PHACTR2: variants seen among roughly 807,000 people sequenced by gnomAD.
PHACTR2 encodes the protein chromosome 6 open reading frame 56.
PHACTR2 carries 30 observed loss-of-function variants against 76.0 expected under a neutral mutation model. The observed-to-expected ratio is 0.39, with a 90% CI of 0.30 to 0.54. The LOEUF is 0.54. Among genes scored for constraint, PHACTR2 ranks in the 20% least tolerant of loss-of-function variants. PHACTR2 has a pLI of 0.61. For missense variants in PHACTR2, 696 were observed against 781.1 expected, an observed-to-expected ratio of 0.89 and a Z score of 1.30; for synonymous variants, 292 against 292.5, an observed-to-expected ratio of 1.00 and a Z score of 0.02.
rs1343904011 is a variant in PHACTR2, at chr6:143,740,510, A to T, written c.215-8475A>T. 4.2e-4 allele frequency among the ~76,000 whole-genome samples: 64 copies of T among 151,104 alleles called. 1 individual carries two copies. Among genetic ancestry groups the T allele is most frequent in the African/African-American group, 1.5e-3 (61 of 41,264 alleles). On this transcript the variant is annotated intron_variant, in intron 2 of 12. Transcript: ENST00000440869. ...CTATTACAAAACATCCTTTTAATTAAAAAAAAAAAAAAAGGAAAAAATAAA... is the reference window on the plus strand; with the variant it reads ...CTATTACAAAACATCCTTTTAATTATAAAAAAAAAAAAAGGAAAAAATAAA...
rs184160816 is a variant in PHACTR2 at position 143,616,511 on chromosome 6, G to A, written c.13+8189G>A. Among the ~76,000 whole-genome samples the A allele has an allele frequency of 9.9e-5, 15 of 152,068 alleles. No homozygotes were observed. Among genetic ancestry groups the A allele is most frequent in the Admixed American group, 3.3e-4 (5 of 15,260 alleles). On this transcript the variant is annotated intron_variant, in intron 1 of 11. Coordinates refer to the PHACTR2 transcript ENST00000305766. This position sits in a 1 kb window ranked among gnomAD's most constrained non-coding sequence, Gnocchi z 4.9. The stretch of plus-strand genomic sequence containing the variant: ...TCTTGCTGTTCTTCCCACCTAGAAC[G>A]CCTTCTCCTCCTTGCCATTCAGTCG...
intron 12 of PHACTR2, among the ~76,000 whole-genome samples, chr6:143,813,015 A>G (rs937557927): frequency 2.6e-5 from 4 of 152,182 alleles, no homozygotes; most frequent in Non-Finnish European, 4.4e-5. Context: ...TCCTTTGGAT[A>G]TTTATTCTCT....
intron 9 of PHACTR2, among the ~76,000 whole-genome samples, chr6:143,779,947 A>ATATTG: frequency 7.3e-6 from 1 of 137,542 alleles, no homozygotes; most frequent in South Asian, 2.3e-4. Flanking sequence ...ATATTATATT[A>ATATTG]TATTTAGTTA....
chr6:143,774,162 A>G lies in PHACTR2; in HGVS notation c.1536A>G (p.Thr512=). ...AGGACAAAAACATCTTGCAGCGTAC[A>G]TCTGAAGAAGAGAGGCAGGAAATCC... The part of the protein sequence containing the change: ...ELEDKNILQR[T]SEEERQEIRQ... The change falls in exon 8 of 13, where the codon ACA becomes ACG. Residue 512 remains threonine (T), a synonymous_variant. Coordinates refer to ENST00000440869, the MANE Select transcript of PHACTR2 (RefSeq NM_001100164.2). This position sits in a 1 kb window ranked among gnomAD's most constrained non-coding sequence, Gnocchi z 5.4. The G allele has an allele frequency of 6.2e-7, 1 of 1,614,120 alleles. No individual in the cohort carries two copies. Among genetic ancestry groups the G allele is most frequent in the Non-Finnish European group, 8.5e-7 (1 of 1,179,946 alleles).
intron 1 of PHACTR2, among the ~76,000 whole-genome samples, chr6:143,693,479 C>G (rs1474994436): frequency 1.3e-5 from 2 of 152,218 alleles, no homozygotes; most frequent in Non-Finnish European, 2.9e-5. Flanking sequence ...CTCAGGTGAT[C>G]CACCTGCCTT....
rs56060230 is a variant in PHACTR2 at position 143,828,040 on chromosome 6, C to T, written c.*4351C>T. On this transcript the variant is annotated 3_prime_UTR_variant, in exon 13 of 13. Transcript: ENST00000440869. This position sits in a 1 kb window ranked among gnomAD's most constrained non-coding sequence, Gnocchi z 4.7. ...TGGCTTGTGCCTGTAATCCCAGCTA[C>T]TTGGGAGGCTGAGGCAGGGAAATCG... 0.054 allele frequency: 8,279 copies of T among 151,920 alleles called. 247 individuals are homozygous for T. The highest frequency in any genetic ancestry group is 0.12 in the South Asian group (599 of 4,792). 9.4% of individuals were successfully genotyped at this position (151,920 alleles called of 1,614,324 possible).
intron 11 of PHACTR2, among the ~76,000 whole-genome samples, chr6:143,796,665 G>A (rs761017887): frequency 2.6e-5 from 4 of 152,106 alleles, no homozygotes; most frequent in Admixed American, 1.3e-4. Context: ...GCGGTGTTTG[G>A]TTTTCTGATC....
rs552488993 is a variant in PHACTR2 at position 143,571,583 on chromosome 6, T to A, written c.217+34376T>A. ...ACTGCCACACCTGGTTAATTTTTTT[T>A]AAAATTTTTTTATAGAGATGAGGTC... On this transcript the variant is annotated intron_variant, in intron 1 of 11. Transcript: ENST00000367584. The surrounding 1 kb of genome is among the most constrained non-coding windows in gnomAD (Gnocchi z 4.6). Among the ~76,000 whole-genome samples the A allele has an allele frequency of 1.8e-4, 27 of 146,354 alleles. No homozygotes were observed. In the East Asian group the frequency reaches 3.3e-3, roughly 18 times the overall value.
Position 143,537,309 on chromosome 6 carries a change from A to T in PHACTR2, c.217+102A>T. 4 of 121,828 alleles carry T rather than the reference A, an allele frequency of 3.3e-5. No individual in the cohort carries two copies. The highest frequency in any genetic ancestry group is 6.9e-5 in the Non-Finnish European group (4 of 58,098). The allele number at this position is 121,828 out of a possible 1,614,324, so 7.5% of individuals were successfully genotyped here. A position where few individuals can be genotyped will look rare whatever the true frequency, so the allele number is the denominator to read the frequency against. On this transcript the variant is annotated intron_variant, in intron 1 of 11. Transcript: ENST00000367584. This position sits in a 1 kb window ranked among gnomAD's most constrained non-coding sequence, Gnocchi z 4.4. The stretch of plus-strand genomic sequence containing the variant: ...GGGCGCCCGCGGGCACTGGCCCGGC[A>T]GGCTGGCGGCGGGGTGGGGGTGGGG...
chr6:143,576,462 A>G (rs1216474740), intron 1 of PHACTR2, among the ~76,000 whole-genome samples: 3 of 152,262 alleles, frequency 2.0e-5, no homozygotes, highest in African/African-American at 7.2e-5. Flanking sequence ...CTTTAAGCAT[A>G]GTGTTCATGA....
intron 1 of PHACTR2, among the ~76,000 whole-genome samples, chr6:143,628,062 G>A (rs776566095): frequency 5.9e-5 from 9 of 152,084 alleles, no homozygotes; most frequent in Non-Finnish European, 1.0e-4. Flanking sequence ...TTTGTGTCTG[G>A]CTTTTCAAAT....
intron 2 of PHACTR2, among the ~76,000 whole-genome samples, chr6:143,718,556 A>C (rs1230526230): frequency 1.3e-5 from 2 of 152,182 alleles, no homozygotes; most frequent in Admixed American, 1.3e-4. Flanking sequence ...CTCACACATT[A>C]GTTTTTGCTG....
At position 143,547,027 on chromosome 6, in the gene PHACTR2, A is replaced by AC. The variant is rs1775010827; in HGVS notation, c.217+9824dup. ...ACTCCAGCCTGGGTAACAAAGTGTG[A>AC]CCCCATCTAAAAAAAAAAAAGAATA... On this transcript the variant is annotated intron_variant, in intron 1 of 11. Coordinates refer to the PHACTR2 transcript ENST00000367584. This position sits in a 1 kb window ranked among gnomAD's most constrained non-coding sequence, Gnocchi z 4.2. Among the ~76,000 whole-genome samples the AC allele has an allele frequency of 3.3e-5, 5 of 151,660 alleles. No individual in the cohort carries two copies. The South Asian group carries it at 1.0e-3, about 32-fold the overall frequency.
chr6:143,826,227 A>G lies in PHACTR2; in HGVS notation c.*2538A>G, dbSNP rs1776527655. The G allele has an allele frequency of 6.6e-6, 1 of 152,250 alleles. No homozygotes were observed. Among genetic ancestry groups the G allele is most frequent in the Admixed American group, 6.5e-5 (1 of 15,280 alleles). 9.4% of individuals were successfully genotyped at this position (152,250 alleles called of 1,614,324 possible). On this transcript the variant is annotated 3_prime_UTR_variant, in exon 13 of 13. Coordinates refer to ENST00000440869, the MANE Select transcript of PHACTR2 (RefSeq NM_001100164.2). ...TATTTTAGTAGAGCAGAGATGAGAC[A>G]TATCCCCACCGGCCACCCAGCCAGA...
At position 143,816,271 on chromosome 6, in the gene PHACTR2, A is replaced by G. The variant is rs17073088; in HGVS notation, c.1923-7403A>G. Among the ~76,000 whole-genome samples, 138 of 152,330 alleles carry G rather than the reference A, an allele frequency of 9.1e-4. No individual in the cohort carries two copies. The East Asian group carries it at 0.025, about 27-fold the overall frequency. ...CGTAAAGCTGAACTTCTCCTACCTT[A>G]AAATGAATGCAAACTACCGAGAAAT... On this transcript the variant is annotated intron_variant, in intron 12 of 12. Coordinates refer to ENST00000440869, the MANE Select transcript of PHACTR2 (RefSeq NM_001100164.2). This position sits in a 1 kb window ranked among gnomAD's most constrained non-coding sequence, Gnocchi z 4.5.
intron 1 of PHACTR2, among the ~76,000 whole-genome samples, chr6:143,650,523 G>T (rs1426843349): frequency 6.6e-6 from 1 of 152,062 alleles, no homozygotes; most frequent in Non-Finnish European, 1.5e-5. Context: ...CCAGAACTAA[G>T]ACCACACACC....
In PHACTR2 at chr6:143,696,091, C is replaced by T. The variant is rs1466981973; in HGVS notation, c.47-15925C>T. Among the ~76,000 whole-genome samples, 1 of 152,126 alleles carries T rather than the reference C, an allele frequency of 6.6e-6. No homozygotes were observed. The highest frequency in any genetic ancestry group is 2.1e-4 in the South Asian group (1 of 4,828). ...TAAAAATAAAAAATTCGCAATTTCC[C>T]AGCTGGTAGGAAATAGAGCCACGTC... On this transcript the variant is annotated intron_variant, in intron 1 of 12. Transcript: ENST00000440869. This position sits in a 1 kb window ranked among gnomAD's most constrained non-coding sequence, Gnocchi z 4.1.
intron 6 of PHACTR2, among the ~76,000 whole-genome samples, chr6:143,766,953 C>A (rs758649390): frequency 2.0e-5 from 3 of 152,136 alleles, no homozygotes; most frequent in African/African-American, 7.2e-5. Flanking sequence ...AGAACAAAAC[C>A]TGTATTCATT....
At chr6:143,726,494 A>T (rs535759988) in intron 2 of PHACTR2, among the ~76,000 whole-genome samples, 19 of 152,174 alleles carry the variant, frequency 1.2e-4, no homozygotes, top group African/African-American at 4.6e-4. Flanking sequence ...ACTACTTTAG[A>T]TCCCTCATAT....
Sources: allele counts gnomAD v4.1 joint callset (sites outside exome capture counted in the v4.1 genomes callset), GRCh38; gene constraint gnomAD v4.1.1; non-coding constraint Gnocchi (gnomAD v3.1); transcripts MANE v1.5; gene names NCBI Gene and HGNC (gene_info 2026-07-23, HGNC 2026-07-21).